FGF13: variants seen among roughly 807,000 people sequenced by gnomAD.
The protein encoded by FGF13 is fibroblast growth factor 13, also known as fibroblast growth factor homologous factor 2.
A neutral mutation model predicts 19.5 loss-of-function variants in FGF13; 2 were observed. The observed-to-expected ratio is 0.10, with a 90% CI of 0.04 to 0.32. The LOEUF (loss-of-function observed/expected upper bound fraction) is 0.32. FGF13 is among the 10% of genes least tolerant of loss of function. The probability of loss-of-function intolerance (pLI) is 1.00; values close to 1 mark genes in which losing one functional copy is unlikely to be tolerated. For synonymous variants in FGF13, 72 were observed against 76.9 expected (o/e 0.94, Z 0.33); for missense variants, 113 against 192.7 (o/e 0.59, Z 2.45).
At chrX:138,973,344 T>C (rs750850035) in intron 1 of FGF13, among the ~76,000 whole-genome samples, 185 of 112,527 alleles carry the variant, frequency 1.6e-3, no homozygotes, top group Non-Finnish European at 3.0e-3. Flanking sequence ...TTTCATTCCA[T>C]TGTGGTCAGA....
In FGF13 at chrX:138,628,691, A is replaced by G. The variant is rs1218876690; in HGVS notation, c.*4159T>C. ...GATGAAGAGATATTCATTTTCCCTC[A>G]TATGTTCATTTGGACAATGGATGCT... On this transcript the variant is annotated 3_prime_UTR_variant, in exon 5 of 5. Coordinates refer to ENST00000315930, the MANE Select transcript of FGF13 (RefSeq NM_004114.5). 1 of 112,273 alleles carries G rather than the reference A, an allele frequency of 8.9e-6. No individual in the cohort carries two copies. The highest frequency in any genetic ancestry group is 1.9e-5 in the Non-Finnish European group (1 of 53,290). 9.3% of individuals were successfully genotyped at this position (112,273 alleles called of 1,213,427 possible).
At chrX:138,942,848 G>GTT (rs200157587) in intron 1 of FGF13, among the ~76,000 whole-genome samples, 5 of 110,851 alleles carry the variant, frequency 4.5e-5, no homozygotes, top group African/African-American at 1.6e-4. Context: ...GTATCTTGTT[G>GTT]TTTTTTTTGT....
At chrX:138,796,429 C>T (rs1320381344) in intron 3 of FGF13, among the ~76,000 whole-genome samples, 1 of 112,011 alleles carries the variant, frequency 8.9e-6, no homozygotes, top group African/African-American at 3.2e-5. Flanking sequence ...TCATAGTATT[C>T]CATAGTGTGT....
At position 138,711,394 on chromosome X, in the gene FGF13, T is replaced by TCC; in HGVS notation, c.-392_-391insGG. ...ATTTCGCCGGACCCCCTCGCCCTGT[T>TCC]GCCCTTCTGATGGGGGCCAGAGGAG... On this transcript the variant is annotated 5_prime_UTR_variant, in exon 1 of 5. Transcript: ENST00000315930. 6.8e-6 allele frequency: 3 copies of TCC among 441,699 alleles called. 1 individual carries two copies. The highest frequency in any genetic ancestry group is 7.5e-6 in the Non-Finnish European group (3 of 401,136). 36.4% of individuals were successfully genotyped at this position (441,699 alleles called of 1,213,427 possible). A position where few individuals can be genotyped will look rare whatever the true frequency, so the allele number is the denominator to read the frequency against.
At chrX:139,043,512 T>C (rs2124405654) in intron 1 of FGF13, among the ~76,000 whole-genome samples, 1 of 111,144 alleles carries the variant, frequency 9.0e-6, no homozygotes, top group Non-Finnish European at 1.9e-5. Flanking sequence ...CGCACCTGGC[T>C]GCTTATCAAT....
intron 2 of FGF13, among the ~76,000 whole-genome samples, chrX:138,862,922 T>C (rs2091296907): frequency 9.0e-6 from 1 of 111,586 alleles, no homozygotes; most frequent in Non-Finnish European, 1.9e-5. Context: ...GCTCTTTTCA[T>C]GGTAGAATGA....
At chrX:139,094,904 C>T (rs1488036003) in intron 1 of FGF13, among the ~76,000 whole-genome samples, 1 of 112,053 alleles carries the variant, frequency 8.9e-6, no homozygotes, top group Non-Finnish European at 1.9e-5. Flanking sequence ...TGTGACAGCC[C>T]TAAATGGCGC....
intron 1 of FGF13, among the ~76,000 whole-genome samples, chrX:139,043,913 T>C (rs1393251388): frequency 1.8e-5 from 2 of 111,868 alleles, no homozygotes; most frequent in Admixed American, 9.5e-5. Flanking sequence ...ATTTCCATAA[T>C]AGGCAAATTC....
chrX:138,700,496 T>C (rs765218734), intron 3 of FGF13, among the ~76,000 whole-genome samples: 1 of 111,350 alleles, frequency 9.0e-6, no homozygotes, highest in East Asian at 2.8e-4. Context: ...GTTATTAGGA[T>C]AGAACTCCAT....
intron 1 of FGF13, among the ~76,000 whole-genome samples, chrX:139,146,328 T>G (rs1412293692): frequency 8.9e-6 from 1 of 112,303 alleles, no homozygotes; most frequent in African/African-American, 3.2e-5. Context: ...CAGACACTTC[T>G]CAAAAGAAGA....
At chrX:139,054,954 G>C (rs1176064342) in intron 1 of FGF13, among the ~76,000 whole-genome samples, 1 of 106,252 alleles carries the variant, frequency 9.4e-6, no homozygotes, top group Non-Finnish European at 1.9e-5. Flanking sequence ...TATTGTAAAA[G>C]GGGTTGAGTT....
intron 1 of FGF13, among the ~76,000 whole-genome samples, chrX:138,726,691 C>T (rs778025453): frequency 2.7e-5 from 3 of 112,225 alleles, no homozygotes; most frequent in South Asian, 3.7e-4. Flanking sequence ...ATCTCCTCAG[C>T]TTGCCCTACT....
At chrX:138,915,809 G>C (rs1294975550) in intron 1 of FGF13, among the ~76,000 whole-genome samples, 1 of 111,847 alleles carries the variant, frequency 8.9e-6, no homozygotes, top group African/African-American at 3.2e-5. Flanking sequence ...ATTTTTGAAG[G>C]ATTAGATGTG....
intron 1 of FGF13, among the ~76,000 whole-genome samples, chrX:139,190,295 T>C (rs766192423): frequency 8.9e-6 from 1 of 112,184 alleles, no homozygotes; most frequent in Non-Finnish European, 1.9e-5. Flanking sequence ...TACGGCCAAT[T>C]ATTTTAAATA....
intron 1 of FGF13, among the ~76,000 whole-genome samples, chrX:139,142,091 A>G (rs1247025959): frequency 8.9e-6 from 1 of 112,070 alleles, no homozygotes; most frequent in Non-Finnish European, 1.9e-5. Context: ...AAAAAACCCC[A>G]TTCCTCCTGT....
At chrX:138,943,847 A>G (rs2091769922) in intron 1 of FGF13, among the ~76,000 whole-genome samples, 1 of 111,874 alleles carries the variant, frequency 8.9e-6, no homozygotes, top group Non-Finnish European at 1.9e-5. Context: ...CTTCCTGAGT[A>G]AACCTTTTCA....
intron 1 of FGF13, among the ~76,000 whole-genome samples, chrX:139,087,162 G>A (rs898678651): frequency 9.9e-5 from 11 of 111,221 alleles, no homozygotes; most frequent in African/African-American, 2.6e-4. Context: ...CGGGCGTGGC[G>A]GTGCACACCT....
chrX:138,849,071 CA>C (rs1440975841), intron 3 of FGF13, among the ~76,000 whole-genome samples: 2 of 111,376 alleles, frequency 1.8e-5, no homozygotes, highest in Non-Finnish European at 3.8e-5. Flanking sequence ...CAATCATTTT[CA>C]AAAGTGTGCT....
intron 1 of FGF13, among the ~76,000 whole-genome samples, chrX:139,097,533 AATT>A (rs1324416114): frequency 9.5e-6 from 1 of 105,626 alleles, no homozygotes; most frequent in Non-Finnish European, 1.9e-5. Context: ...GTACTCCCTG[AATT>A]TAAAGGAAAA....
Sources: gnomAD v4.1 joint callset for allele counts (sites outside exome capture counted in the v4.1 genomes callset) on GRCh38, gnomAD v4.1.1 for gene constraint, MANE v1.5 for transcripts, NCBI Gene and HGNC (gene_info 2026-07-23, HGNC 2026-07-21) for gene names.